Variants in ANKRD30A observed in about 807,000 individuals in gnomAD.
ANKRD30A encodes the protein ankyrin repeat domain 30A.
Under a neutral mutation model 166.3 loss-of-function variants are expected in ANKRD30A, and 170 were observed. The observed-to-expected ratio is 1.02, with a 90% CI of 0.90 to 1.16. The LOEUF (loss-of-function observed/expected upper bound fraction) is 1.16. Among genes scored for constraint, ANKRD30A ranks in the 50% most tolerant of loss-of-function variants. The pLI is 0.00. For synonymous variants in ANKRD30A, 564 were observed against 508.9 expected (o/e 1.11, Z -1.46); for missense variants, 1,630 against 1,518.0 (o/e 1.07, Z -1.23).
chr10:37,156,199 G>A (rs1351496814), intron 13 of ANKRD30A, among the ~76,000 whole-genome samples: 1 of 151,986 alleles, frequency 6.6e-6, no homozygotes, highest in Non-Finnish European at 1.5e-5. Context: ...CTTTGTTTAA[G>A]TGTATGTCCT....
the ANKRD30A span, chr10:37,264,449 G>C: frequency 4.3e-5 from 8 of 186,886 alleles, no homozygotes; most frequent in Non-Finnish European, 8.1e-5. Context: ...TAGGATGCAG[G>C]GATTCTGTAG....
At chr10:37,237,103 T>C (rs1588974961), downstream of ANKRD30A, among the ~76,000 whole-genome samples, 2 of 152,236 alleles carry the variant, frequency 1.3e-5, no homozygotes, top group Admixed American at 6.5e-5. Flanking sequence ...TTTTACCATA[T>C]GCATGCATTT....
the ANKRD30A span, among the ~76,000 whole-genome samples, chr10:37,245,579 G>A: frequency 1.3e-5 from 2 of 151,922 alleles, no homozygotes; most frequent in Admixed American, 1.3e-4. Flanking sequence ...TACTGTATGA[G>A]TTTTGCAGGA....
At chr10:37,163,305 C>T (rs1839074355) in intron 17 of ANKRD30A, among the ~76,000 whole-genome samples, 6 of 79,862 alleles carry the variant, frequency 7.5e-5, no homozygotes, top group Non-Finnish European at 1.2e-4. Flanking sequence ...GTAACTCGGA[C>T]TAGTGAACTC....
intron 19 of ANKRD30A, among the ~76,000 whole-genome samples, chr10:37,167,560 A>G (rs1839455955): frequency 1.3e-5 from 2 of 151,776 alleles, no homozygotes; most frequent in African/African-American, 4.9e-5. Flanking sequence ...AATGTTATTA[A>G]TATTTAAAAA....
the ANKRD30A span, among the ~76,000 whole-genome samples, chr10:37,248,790 T>A: frequency 6.6e-6 from 1 of 150,556 alleles, no homozygotes; most frequent in African/African-American, 2.5e-5. Context: ...CTGAGTTGGG[T>A]GTTAAAGTTG....
At chr10:37,205,266 G>T (rs560949452) in intron 31 of ANKRD30A, among the ~76,000 whole-genome samples, 1 of 152,182 alleles carries the variant, frequency 6.6e-6, no homozygotes, top group Admixed American at 6.5e-5. Context: ...ATTCTCTGCA[G>T]CCATAAAAAA....
chr10:37,195,693 G>C (rs1841023620), intron 27 of ANKRD30A, among the ~76,000 whole-genome samples: 1 of 152,178 alleles, frequency 6.6e-6, no homozygotes, highest in Admixed American at 6.6e-5. Context: ...AGGAGATCGA[G>C]ACCATCCTGA....
At chr10:37,139,599 ACTTTTACAAAACC>A in intron 6 of ANKRD30A, among the ~76,000 whole-genome samples, 1 of 152,350 alleles carries the variant, frequency 6.6e-6, no homozygotes, top group East Asian at 1.9e-4. Flanking sequence ...ATATCTTGAG[ACTTTTACAAAACC>A]CTCTGGCCTT....
chr10:37,241,800 G>A, the ANKRD30A span: 3 of 152,030 alleles, frequency 2.0e-5, no homozygotes, highest in African/African-American at 7.2e-5. Context: ...CACCTTTTAT[G>A]TTACTTACTT....
chr10:37,256,481 T>C, the ANKRD30A span, among the ~76,000 whole-genome samples: 4 of 152,214 alleles, frequency 2.6e-5, no homozygotes, highest in Non-Finnish European at 4.4e-5. Flanking sequence ...TGTTTATGAA[T>C]ACATGTTCTA....
intron 13 of ANKRD30A, among the ~76,000 whole-genome samples, chr10:37,154,771 A>C (rs1309403080): frequency 1.3e-5 from 2 of 152,134 alleles, no homozygotes; most frequent in African/African-American, 4.8e-5. Context: ...GAGTGAGCTC[A>C]CTTCAGAAGC....
chr10:37,246,341 G>A, the ANKRD30A span, among the ~76,000 whole-genome samples: 1 of 152,096 alleles, frequency 6.6e-6, no homozygotes, highest in Admixed American at 6.5e-5. Flanking sequence ...CCTTGCATTT[G>A]TCCGATAAAC....
chr10:37,263,383 T>C, the ANKRD30A span, among the ~76,000 whole-genome samples: 1 of 152,018 alleles, frequency 6.6e-6, no homozygotes, highest in Non-Finnish European at 1.5e-5. Flanking sequence ...TTACGTTTAT[T>C]ATGCACTTTA....
chr10:37,162,501 A>G (rs1838996633), intron 15 of ANKRD30A, 148 bp from the exon 16 acceptor site: 1 of 1,049,732 alleles, frequency 9.5e-7, no homozygotes, highest in African/African-American at 1.6e-5. Flanking sequence ...TGTGTGTCCT[A>G]AACAAACCAA....
intron 34 of ANKRD30A, among the ~76,000 whole-genome samples, chr10:37,223,261 T>C (rs1358436049): frequency 6.6e-6 from 1 of 150,626 alleles, no homozygotes; most frequent in East Asian, 2.0e-4. Flanking sequence ...ATATTGAGAA[T>C]GAGAAACATA....
chr10:37,193,173 T>G lies in ANKRD30A; in HGVS notation c.2542-13T>G, dbSNP rs373828396. On this transcript the variant is annotated splice_polypyrimidine_tract_variant and intron_variant, in intron 26 of 35. Transcript: ENST00000361713. ...CATTGTATATTAATTGTTTTGTTTC[T>G]AAACCCATTTAGGCTCCCTGCAGAA... is the stretch of plus-strand genomic sequence containing the variant. The G allele has an allele frequency of 1.2e-6, 2 of 1,606,578 alleles. No individual in the cohort carries two copies. The highest frequency in any genetic ancestry group is 1.1e-5 in the South Asian group (1 of 90,144).
chr10:37,154,026 G>T (rs1453523950), intron 13 of ANKRD30A, among the ~76,000 whole-genome samples: 1 of 152,176 alleles, frequency 6.6e-6, no homozygotes, highest in Non-Finnish European at 1.5e-5. Flanking sequence ...AAAATGAAAT[G>T]ATTCTTTAGG....
At chr10:37,256,381 C>G in the ANKRD30A span, among the ~76,000 whole-genome samples, 4 of 152,198 alleles carry the variant, frequency 2.6e-5, no homozygotes, top group Non-Finnish European at 5.9e-5. Flanking sequence ...CTCAGCCTCT[C>G]AAGTGGCTGG....
Sources: allele counts gnomAD v4.1 joint callset (sites outside exome capture counted in the v4.1 genomes callset), GRCh38; gene constraint gnomAD v4.1.1; transcripts MANE v1.5; gene names NCBI Gene and HGNC (gene_info 2026-07-23, HGNC 2026-07-21).